The following STT3B variants were observed in gnomAD, a reference collection of about 807,000 sequenced individuals.
The protein encoded by STT3B is dolichyl-diphosphooligosaccharide--protein glycosyltransferase subunit STT3B.
A neutral mutation model predicts 96.8 loss-of-function variants in STT3B; 29 were observed. The observed-to-expected ratio is 0.30, with a 90% confidence interval of 0.22 to 0.41. The LOEUF (loss-of-function observed/expected upper bound fraction) is 0.41, where lower values mean the gene tolerates loss of function less well. STT3B is among the 10% of genes least tolerant of loss of function. The pLI, the probability that STT3B is intolerant of heterozygous loss-of-function variation, is 1.00. For synonymous variants in STT3B, 367 were observed against 360.0 expected, an observed-to-expected ratio of 1.02 and a Z score of -0.22; for missense variants, 640 against 1,022.3, an observed-to-expected ratio of 0.63 and a Z score of 5.10.
intron 3 of STT3B, among the ~76,000 whole-genome samples, chr3:31,585,159 A>G (rs981121359): frequency 3.3e-5 from 5 of 152,086 alleles, no homozygotes; most frequent in African/African-American, 1.2e-4. Flanking sequence ...TACTGTTACA[A>G]GCTGGTGTTG....
rs781596994 is a variant in STT3B at position 31,617,059 on chromosome 3, C to G, written c.1107C>G (p.Ile369Met). ...CAGGTGCTGTGTTCCTTAGTGTCAT[C>G]TATTTGACTTATACAGGTACGTGTT... ...LAAGAVFLSV[I>M]YLTYTGYIAP... Residue 369 changes from isoleucine (I) to methionine (M), a missense_variant, in exon 7 of 16, where the codon ATC (isoleucine) becomes ATG (methionine). Around this residue, in one of 8 missense-constraint regions of STT3B, gnomAD observed 267 missense variants for 388.3 expected, o/e 0.69. Transcript: ENST00000295770. The G allele has an allele frequency of 3.1e-6, 5 of 1,607,600 alleles. No individual in the cohort carries two copies. Among genetic ancestry groups the G allele is most frequent in the Admixed American group, 3.3e-5 (2 of 59,934 alleles).
chr3:31,552,100 T>A (rs1697574222), intron 1 of STT3B, among the ~76,000 whole-genome samples: 1 of 152,252 alleles, frequency 6.6e-6, no homozygotes. Flanking sequence ...CCAGCTAAAC[T>A]GTGCCTAGAT....
chr3:31,560,658 T>C (rs1697855764), intron 1 of STT3B, among the ~76,000 whole-genome samples: 1 of 152,128 alleles, frequency 6.6e-6, no homozygotes, highest in Non-Finnish European at 1.5e-5. Flanking sequence ...GACTAGACTC[T>C]TTTCTCTTGC....
intron 1 of STT3B, among the ~76,000 whole-genome samples, chr3:31,538,120 T>C (rs1272282114): frequency 1.3e-5 from 2 of 152,182 alleles, no homozygotes; most frequent in African/African-American, 2.4e-5. Context: ...TGAACACTCA[T>C]ATACTCTAAC....
intron 5 of STT3B, among the ~76,000 whole-genome samples, chr3:31,613,352 T>C (rs544243660): frequency 5.3e-5 from 8 of 152,264 alleles, no homozygotes; most frequent in African/African-American, 1.9e-4. Flanking sequence ...GAAGTGATTG[T>C]CGTGTTTCAA....
chr3:31,634,819 G>C (rs1296799328), intron 15 of STT3B, among the ~76,000 whole-genome samples: 2 of 152,042 alleles, frequency 1.3e-5, no homozygotes, highest in African/African-American at 4.8e-5. Flanking sequence ...GTTAGAATCT[G>C]GATGTAATTA....
chr3:31,603,979 A>G (rs1190778991), intron 5 of STT3B, among the ~76,000 whole-genome samples: 1 of 152,134 alleles, frequency 6.6e-6, no homozygotes, highest in African/African-American at 2.4e-5. Flanking sequence ...CTTGGTTTTT[A>G]GTTTATAGAA....
intron 1 of STT3B, among the ~76,000 whole-genome samples, chr3:31,535,141 A>G (rs1314139413): frequency 1.3e-5 from 2 of 152,094 alleles, no homozygotes; most frequent in African/African-American, 4.8e-5. Context: ...ACTGTTTAAT[A>G]GTAACTCTGG....
intron 1 of STT3B, among the ~76,000 whole-genome samples, chr3:31,538,739 G>C (rs548065912): frequency 6.6e-6 from 1 of 152,200 alleles, no homozygotes; most frequent in Admixed American, 6.5e-5. Flanking sequence ...AATTAATACT[G>C]TTGAAAGGGG....
chr3:31,544,807 C>G (rs1469805857), intron 1 of STT3B, among the ~76,000 whole-genome samples: 2 of 152,042 alleles, frequency 1.3e-5, no homozygotes, highest in African/African-American at 4.8e-5. Context: ...GAAACCCTAT[C>G]TCTACTAGAA....
intron 1 of STT3B, among the ~76,000 whole-genome samples, chr3:31,543,846 T>TA (rs1697339333): frequency 6.6e-6 from 1 of 152,190 alleles, no homozygotes; most frequent in Non-Finnish European, 1.5e-5. Context: ...AAGTAACTCT[T>TA]ACAGAGGTCT....
At chr3:31,571,997 CATA>C (rs1370394918) in intron 1 of STT3B, among the ~76,000 whole-genome samples, 1 of 95,566 alleles carries the variant, frequency 1.0e-5, no homozygotes, top group African/African-American at 4.3e-5. Flanking sequence ...TATATTAATA[CATA>C]ATTATTTTAT....
At chr3:31,533,504 C>T (rs912720776) in intron 1 of STT3B, 192 bp downstream of exon 1, 2 of 641,136 alleles carry the variant, frequency 3.1e-6, no homozygotes, top group Non-Finnish European at 4.4e-6. Context: ...CCCCGTGCAG[C>T]CTGAGGCGGG....
chr3:31,556,733 T>A (rs1697721351), intron 1 of STT3B, among the ~76,000 whole-genome samples: 1 of 152,222 alleles, frequency 6.6e-6, no homozygotes, highest in South Asian at 2.1e-4. Flanking sequence ...TGCTTATTAA[T>A]GTGATGATGA....
intron 1 of STT3B, among the ~76,000 whole-genome samples, chr3:31,535,173 A>G (rs1275585572): frequency 6.6e-6 from 1 of 152,182 alleles, no homozygotes; most frequent in African/African-American, 2.4e-5. Flanking sequence ...AAGATTGCAG[A>G]AAAATTCACT....
rs1471716710 is a variant in STT3B at position 31,551,885 on chromosome 3, AGG to A, written c.314+18574_314+18575del. Among the ~76,000 whole-genome samples, 1,497 of 152,302 alleles carry A rather than the reference AGG, an allele frequency of 9.8e-3. 34 individuals are homozygous for A. The highest frequency in any genetic ancestry group is 0.034 in the African/African-American group (1,427 of 41,554). ...CCCTGTTAGGGAAGCCTATGTGGCA[AGG>A]AACTACTAACAGCCTCTATGATGTT... On this transcript the variant is annotated intron_variant, in intron 1 of 15. Transcript: ENST00000295770.
At position 31,595,627 on chromosome 3, in the gene STT3B, T is replaced by C. The variant is rs114195495; in HGVS notation, c.712-1171T>C. Among the ~76,000 whole-genome samples, 188 of 152,320 alleles carry C rather than the reference T, an allele frequency of 1.2e-3. 2 individuals carry two copies. Among genetic ancestry groups the C allele is most frequent in the Middle Eastern group, 6.8e-3 (2 of 294 alleles). The stretch of plus-strand genomic sequence containing the variant: ...CTTTCTCCCCAGATTTTGACATCTC[T>C]GAAATTAGGATGTATGTTATGAGTG... On this transcript the variant is annotated intron_variant, in intron 3 of 15. Transcript: ENST00000295770.
chr3:31,620,715 T>G (rs1053246317), intron 9 of STT3B, among the ~76,000 whole-genome samples: 4 of 152,242 alleles, frequency 2.6e-5, no homozygotes, highest in East Asian at 1.9e-4. Context: ...TGTGGTTGTT[T>G]TGTATGAGAT....
intron 7 of STT3B, among the ~76,000 whole-genome samples, chr3:31,617,624 A>T (rs1313980903): frequency 2.0e-5 from 3 of 151,864 alleles, no homozygotes; most frequent in East Asian, 1.9e-4. Context: ...TATTTTTTTT[A>T]AATGATCTGG....
Sources: gnomAD v4.1 joint callset for allele counts (sites outside exome capture counted in the v4.1 genomes callset) on GRCh38, gnomAD v4.1.1 for gene constraint, gnomAD v4.1.1 regional missense constraint, MANE v1.5 for transcripts, NCBI Gene and HGNC (gene_info 2026-07-23, HGNC 2026-07-21) for gene names.